PIP5K1B: variants seen among roughly 807,000 people sequenced by gnomAD.
PIP5K1B encodes the protein phosphatidylinositol 4-phosphate 5-kinase type-1 beta.
Under a neutral mutation model 67.0 loss-of-function variants are expected in PIP5K1B, and 42 were observed. That is an observed-to-expected ratio of 0.63 (90% CI 0.49 to 0.81). PIP5K1B has a LOEUF of 0.81. PIP5K1B is among the 30% of genes least tolerant of loss of function. The probability of loss-of-function intolerance (pLI) is 0.00; values close to 1 mark genes in which losing one functional copy is unlikely to be tolerated. For missense variants in PIP5K1B, 459 were observed against 646.3 expected (o/e 0.71, Z 3.14); for synonymous variants, 214 against 231.4 (o/e 0.92, Z 0.68).
intron 2 of PIP5K1B, chr9:68,780,602 G>A: frequency 6.2e-7 from 1 of 1,614,154 alleles, no homozygotes; most frequent in African/African-American, 1.3e-5. Context: ...CACCAGCACC[G>A]TCACCCACTC....
chr9:68,754,288 G>C (rs925781086), intron 2 of PIP5K1B, among the ~76,000 whole-genome samples: 1 of 147,944 alleles, frequency 6.8e-6, no homozygotes, highest in African/African-American at 2.5e-5. Flanking sequence ...TCCTGCCTCA[G>C]CCTCCCAAGT....
chr9:68,742,771 G>A (rs183357160), intron 2 of PIP5K1B, 114 bp downstream of exon 2: 2 of 152,378 alleles, frequency 1.3e-5, no homozygotes, highest in East Asian at 3.9e-4. Flanking sequence ...TCTGAGTGGT[G>A]TGAATGGGCA....
chr9:68,909,149 G>C (rs1245248892), intron 8 of PIP5K1B, among the ~76,000 whole-genome samples: 1 of 152,130 alleles, frequency 6.6e-6, no homozygotes, highest in African/African-American at 2.4e-5. Flanking sequence ...TTTTATCTAA[G>C]CATTTCAAAA....
intron 1 of PIP5K1B, among the ~76,000 whole-genome samples, chr9:68,719,385 T>A (rs1359901787): frequency 1.3e-5 from 2 of 152,202 alleles, no homozygotes; most frequent in African/African-American, 4.8e-5. Context: ...GTTCCCCAGA[T>A]TTTCCTGATT....
intron 2 of PIP5K1B, among the ~76,000 whole-genome samples, chr9:68,816,995 T>C (rs907842321): frequency 6.6e-6 from 1 of 152,170 alleles, no homozygotes; most frequent in African/African-American, 2.4e-5. Flanking sequence ...AAAAGAAGAA[T>C]AATACTTGCA....
chr9:68,737,691 G>A (rs115811813), intron 1 of PIP5K1B, among the ~76,000 whole-genome samples: 291 of 152,276 alleles, frequency 1.9e-3, no homozygotes, highest in African/African-American at 6.7e-3. Flanking sequence ...ATATGCAAAT[G>A]TTGTTCTATA....
At chr9:68,751,324 G>A (rs937702020) in intron 2 of PIP5K1B, among the ~76,000 whole-genome samples, 14 of 152,210 alleles carry the variant, frequency 9.2e-5, no homozygotes, top group African/African-American at 2.7e-4. Flanking sequence ...CATGGCACTT[G>A]TCATTTCTTT....
chr9:68,898,293 C>T (rs774081172), intron 8 of PIP5K1B, among the ~76,000 whole-genome samples: 1 of 152,196 alleles, frequency 6.6e-6, no homozygotes, highest in Non-Finnish European at 1.5e-5. Flanking sequence ...CCCATCTCCA[C>T]ATTGCTATTC....
In PIP5K1B at chr9:69,008,953, T is replaced by A. The variant is rs1831208264; in HGVS notation, c.*504T>A. The A allele has an allele frequency of 6.4e-6, 1 of 156,006 alleles. No homozygotes were observed. The highest frequency in any genetic ancestry group is 1.4e-5 in the Non-Finnish European group (1 of 69,856). 9.7% of individuals were successfully genotyped at this position (156,006 alleles called of 1,614,324 possible). A position where few individuals can be genotyped will look rare whatever the true frequency, so the allele number is the denominator to read the frequency against. ...TAAAGATCAATATACTAGGTCTGCC[T>A]TCACTTTATAGAAAACTAGCTTCTA... On this transcript the variant is annotated 3_prime_UTR_variant, in exon 16 of 16. Transcript: ENST00000265382.
chr9:68,823,620 TACTG>T (rs1833839821), intron 4 of PIP5K1B, among the ~76,000 whole-genome samples: 1 of 152,242 alleles, frequency 6.6e-6, no homozygotes, highest in Non-Finnish European at 1.5e-5. Flanking sequence ...TCAAACACGT[TACTG>T]GGTAAAATAT....
intron 12 of PIP5K1B, among the ~76,000 whole-genome samples, chr9:68,932,740 G>A (rs1827061177): frequency 1.3e-5 from 2 of 152,064 alleles, no homozygotes; most frequent in Admixed American, 1.3e-4. Flanking sequence ...TAACATCACA[G>A]ATCTTCTGAA....
intron 1 of PIP5K1B, among the ~76,000 whole-genome samples, chr9:68,708,546 C>CCCCCT (rs1343150330): frequency 2.7e-5 from 4 of 147,692 alleles, no homozygotes; most frequent in Admixed American, 7.0e-5. Context: ...TTGCCGCCCC[C>CCCCCT]CCGCCCCTTT....
chr9:68,722,440 C>T lies in PIP5K1B; in HGVS notation c.-243+16678C>T, dbSNP rs541340705. Among the ~76,000 whole-genome samples, 149 of 151,974 alleles carry T rather than the reference C, an allele frequency of 9.8e-4. 2 individuals carry two copies. Among genetic ancestry groups the T allele is most frequent in the South Asian group, 5.6e-3 (27 of 4,808 alleles). On this transcript the variant is annotated intron_variant, in intron 1 of 15. Transcript: ENST00000265382. ...TGGTTGGCCAGGCTGGTCTCGAACT[C>T]CTGACCTCAAGTGTTCCGCCCGCCT...
intron 1 of PIP5K1B, among the ~76,000 whole-genome samples, chr9:68,724,826 AAAGGCTT>A (rs1273983606): frequency 6.6e-6 from 1 of 152,216 alleles, no homozygotes; most frequent in East Asian, 1.9e-4. Context: ...ATCTTAGTGG[AAAGGCTT>A]TCAATTTTCC....
chr9:68,940,819 T>C, intron 14 of PIP5K1B, 29 bp downstream of exon 14: 1 of 1,607,838 alleles, frequency 6.2e-7, no homozygotes. Flanking sequence ...AAATAACCCA[T>C]CAGGCTGTTA....
At chr9:68,718,335 T>G (rs898529964) in intron 1 of PIP5K1B, among the ~76,000 whole-genome samples, 3 of 152,230 alleles carry the variant, frequency 2.0e-5, no homozygotes, top group African/African-American at 7.2e-5. Context: ...TTTTTTCCTA[T>G]AGTGCTCACC....
intron 2 of PIP5K1B, among the ~76,000 whole-genome samples, chr9:68,773,501 C>T (rs1487425728): frequency 6.6e-6 from 1 of 152,098 alleles, no homozygotes; most frequent in Non-Finnish European, 1.5e-5. Context: ...TAATATCTTC[C>T]TTTATAGTCC....
At chr9:68,956,460 T>C (rs1351189387) in intron 14 of PIP5K1B, among the ~76,000 whole-genome samples, 1 of 152,060 alleles carries the variant, frequency 6.6e-6, no homozygotes, top group Non-Finnish European at 1.5e-5. Flanking sequence ...CTGAGGAGAC[T>C]CTGTCTCAGA....
intron 5 of PIP5K1B, among the ~76,000 whole-genome samples, chr9:68,872,648 G>A (rs1384897054): frequency 6.6e-6 from 1 of 152,118 alleles, no homozygotes; most frequent in Non-Finnish European, 1.5e-5. Flanking sequence ...AGTTATCACT[G>A]TTACTTGTGG....
Sources: allele counts gnomAD v4.1 joint callset (sites outside exome capture counted in the v4.1 genomes callset), GRCh38; gene constraint gnomAD v4.1.1; transcripts MANE v1.5; gene names NCBI Gene and HGNC (gene_info 2026-07-23, HGNC 2026-07-21).